FAM13C: variants seen among roughly 807,000 people sequenced by gnomAD.
FAM13C encodes the protein protein FAM13C.
FAM13C carries 37 observed loss-of-function variants against 73.2 expected under a neutral mutation model. The observed-to-expected ratio is 0.51, with a 90% CI of 0.39 to 0.67. FAM13C has a LOEUF of 0.67. Ranked by LOEUF, FAM13C falls within the 30% of genes least tolerant of loss-of-function variation. FAM13C has a pLI of 0.00. For synonymous variants in FAM13C, 246 were observed against 260.9 expected (o/e 0.94, Z 0.55); for missense variants, 589 against 715.6 (o/e 0.82, Z 2.02).
chr10:59,344,116 C>T (rs2446726), intron 3 of FAM13C, among the ~76,000 whole-genome samples: 11 of 151,442 alleles, frequency 7.3e-5, no homozygotes, highest in African/African-American at 2.2e-4. Flanking sequence ...CACCCGCCAC[C>T]ACGCCCAGCT....
intron 4 of FAM13C, among the ~76,000 whole-genome samples, chr10:59,306,059 A>C (rs1848214780): frequency 6.6e-6 from 1 of 152,230 alleles, no homozygotes; most frequent in Non-Finnish European, 1.5e-5. Flanking sequence ...GTTTCTATAG[A>C]GTAGCACCAG....
At chr10:59,329,342 G>GTTT (rs71006247) in intron 3 of FAM13C, among the ~76,000 whole-genome samples, 10 of 77,294 alleles carry the variant, frequency 1.3e-4, no homozygotes, top group East Asian at 3.9e-4. Context: ...TTTCTTTCTG[G>GTTT]TTTTTTTTTT....
chr10:59,314,090 G>A (rs1362518908), intron 4 of FAM13C, among the ~76,000 whole-genome samples: 1 of 152,128 alleles, frequency 6.6e-6, no homozygotes, highest in Non-Finnish European at 1.5e-5. Context: ...GGGCTATTGA[G>A]AAAGGAGAAG....
In FAM13C at chr10:59,352,434, G is replaced by A. The variant is rs780682946; in HGVS notation, c.160C>T (p.Leu54=). The A allele has an allele frequency of 6.2e-7, 1 of 1,613,564 alleles. No individual in the cohort carries two copies. The highest frequency in any genetic ancestry group is 8.5e-7 in the Non-Finnish European group (1 of 1,179,898). The change falls in exon 3 of 14, where the codon CTG becomes TTG. Residue 54 remains leucine, a synonymous_variant. Coordinates refer to ENST00000618804, the MANE Select transcript of FAM13C (RefSeq NM_198215.4). ...NKENYPDAGA[L]VEEHAPPSWE... ...GAGGGCGGCGCGTGCTCTTCTACCAGAGCCCCTGCGTCGGGGTAGTTCTCT... is the reference window on the plus strand; with the variant it reads ...GAGGGCGGCGCGTGCTCTTCTACCAAAGCCCCTGCGTCGGGGTAGTTCTCT...
chr10:59,267,652 G>A lies in FAM13C; in HGVS notation c.942+901C>T, dbSNP rs114916199. 2.4e-3 allele frequency among the ~76,000 whole-genome samples: 367 copies of A among 152,172 alleles called. 2 individuals are homozygous for A. The highest frequency in any genetic ancestry group is 8.2e-3 in the African/African-American group (342 of 41,520). ...AGCAGGACAGGAAGAATGGAAGAGT[G>A]GAATATTATCCATTCTCACCTCCCT... On this transcript the variant is annotated intron_variant, in intron 8 of 13. Transcript: ENST00000618804.
intron 4 of FAM13C, among the ~76,000 whole-genome samples, chr10:59,317,331 T>A (rs552430268): frequency 3.2e-4 from 48 of 152,262 alleles, no homozygotes; most frequent in Admixed American, 1.0e-3. Flanking sequence ...TAAATTAGGT[T>A]TAAATTTATA....
intron 1 of FAM13C, chr10:59,361,089 C>T: frequency 7.8e-7 from 1 of 1,289,210 alleles, no homozygotes; most frequent in Non-Finnish European, 1.0e-6. Context: ...CTTTGGCACA[C>T]CTCTCTCCCC....
intron 3 of FAM13C, among the ~76,000 whole-genome samples, chr10:59,347,547 C>T (rs1397614734): frequency 6.6e-6 from 1 of 151,896 alleles, no homozygotes; most frequent in Non-Finnish European, 1.5e-5. Context: ...TACTATTATA[C>T]TTTAAGTTCT....
At chr10:59,341,553 G>A (rs1023301857) in intron 3 of FAM13C, among the ~76,000 whole-genome samples, 5 of 152,128 alleles carry the variant, frequency 3.3e-5, no homozygotes, top group African/African-American at 1.2e-4. Context: ...GCTGGGCATG[G>A]TGGTGCATGC....
chr10:59,265,307 GGGAA>G (rs1414766678), intron 8 of FAM13C, among the ~76,000 whole-genome samples: 6 of 125,988 alleles, frequency 4.8e-5, no homozygotes, highest in African/African-American at 2.0e-4. Context: ...CAGAGGGATA[GGGAA>G]GGGGTTTTGG....
At chr10:59,339,962 A>G (rs2134167532) in intron 3 of FAM13C, among the ~76,000 whole-genome samples, 1 of 152,360 alleles carries the variant, frequency 6.6e-6, no homozygotes, top group African/African-American at 2.4e-5. Context: ...TTCCTTCTAA[A>G]GAACACAACA....
At chr10:59,327,801 G>A (rs1851381451) in intron 3 of FAM13C, 1 of 152,122 alleles carries the variant, frequency 6.6e-6, no homozygotes, top group African/African-American at 2.4e-5. Flanking sequence ...ATAGAGAAGT[G>A]AATAAGACAT....
chr10:59,285,158 G>A (rs1845402605), intron 5 of FAM13C, among the ~76,000 whole-genome samples: 1 of 152,200 alleles, frequency 6.6e-6, no homozygotes, highest in Admixed American at 6.5e-5. Flanking sequence ...GAGATGGGGT[G>A]GGACCCGGCG....
intron 2 of FAM13C, among the ~76,000 whole-genome samples, chr10:59,355,082 G>C (rs1440406955): frequency 6.6e-6 from 1 of 152,040 alleles, no homozygotes; most frequent in East Asian, 1.9e-4. Flanking sequence ...ATCCAAGAAA[G>C]CTCTCTGGGC....
intron 6 of FAM13C, among the ~76,000 whole-genome samples, chr10:59,272,874 C>G (rs1389048672): frequency 6.6e-6 from 1 of 152,078 alleles, no homozygotes; most frequent in Non-Finnish European, 1.5e-5. Flanking sequence ...CGCATCAAAC[C>G]CTATATATAC....
In FAM13C at chr10:59,337,228, T is replaced by C. The variant is rs145010182; in HGVS notation, c.325-13122A>G. On this transcript the variant is annotated intron_variant, in intron 3 of 13. Transcript: ENST00000618804. ...GCTTGCTAAATTAGCAAGGAAGAAC[T>C]GTATTTTCAGAGGCATTCTCCCTGA... is the stretch of plus-strand genomic sequence containing the variant. 3.9e-5 allele frequency among the ~76,000 whole-genome samples: 6 copies of C among 152,350 alleles called. No homozygotes were observed. The East Asian group carries it at 1.2e-3, about 29-fold the overall frequency.
At position 59,352,329 on chromosome 10, in the gene FAM13C, A is replaced by G; in HGVS notation, c.265T>C (p.Ser89Pro). 1 of 1,614,130 alleles carries G rather than the reference A, an allele frequency of 6.2e-7. No homozygotes were observed. The highest frequency in any genetic ancestry group is 8.5e-7 in the Non-Finnish European group (1 of 1,180,020). Reference sequence around the variant, plus strand: ...TTGAAGATGGACTTGGGCTTCCTGGACTTGAAGTTGCCCATGCTGGGTCGC... The same window carrying G: ...TTGAAGATGGACTTGGGCTTCCTGGGCTTGAAGTTGCCCATGCTGGGTCGC... ...VLRPSMGNFK[S>P]RKPKSIFKAE... Residue 89 changes from serine to proline, a missense_variant, in exon 3 of 14, where the codon TCC (serine) becomes CCC (proline). Coordinates refer to ENST00000618804, the MANE Select transcript of FAM13C (RefSeq NM_198215.4).
At chr10:59,285,217 C>T (rs905665902) in intron 5 of FAM13C, among the ~76,000 whole-genome samples, 16 of 152,182 alleles carry the variant, frequency 1.1e-4, no homozygotes, top group African/African-American at 2.7e-4. Context: ...CCATAGCTCA[C>T]GTGAAGCACC....
At chr10:59,300,368 G>A (rs1847453628) in intron 5 of FAM13C, among the ~76,000 whole-genome samples, 1 of 152,072 alleles carries the variant, frequency 6.6e-6, no homozygotes. Context: ...CTCTTTTTTG[G>A]TTTTAGACTC....
Sources: gnomAD v4.1 joint callset for allele counts (sites outside exome capture counted in the v4.1 genomes callset) on GRCh38, gnomAD v4.1.1 for gene constraint, MANE v1.5 for transcripts, NCBI Gene and HGNC (gene_info 2026-07-23, HGNC 2026-07-21) for gene names.